The following GRIN3B variants were observed in gnomAD, a reference collection of about 807,000 sequenced individuals.
GRIN3B encodes the protein glutamate ionotropic receptor NMDA type subunit 3B.
Under a neutral mutation model 66.0 loss-of-function variants are expected in GRIN3B, and 77 were observed. The observed-to-expected ratio is 1.17, with a 90% CI of 0.97 to 1.41. GRIN3B has a LOEUF of 1.41. Ranked by LOEUF, GRIN3B falls within the 40% of genes most tolerant of loss-of-function variation. The pLI, the probability that GRIN3B is intolerant of heterozygous loss-of-function variation, is 0.00. For synonymous variants in GRIN3B, 823 were observed against 749.7 expected, an observed-to-expected ratio of 1.10 and a Z score of -1.60; for missense variants, 1,787 against 1,564.5, an observed-to-expected ratio of 1.14 and a Z score of -2.40.
Position 1,009,255 on chromosome 19 carries a change from G to T in GRIN3B, c.2785G>T (p.Asp929Tyr), listed in dbSNP as rs771184071. 1 of 1,432,636 alleles carries T rather than the reference G, an allele frequency of 7.0e-7. No homozygotes were observed. Among genetic ancestry groups the T allele is most frequent in the Non-Finnish European group, 9.1e-7 (1 of 1,104,560 alleles). 88.7% of individuals were successfully genotyped at this position (1,432,636 alleles called of 1,614,324 possible). A position where few individuals can be genotyped will look rare whatever the true frequency, so the allele number is the denominator to read the frequency against. Residue 929 changes from aspartate (D) to tyrosine (Y), a missense_variant, in exon 9 of 9, where the codon GAC becomes TAC. Asp to Tyr is a radical substitution (Grantham distance 160). Transcript: ENST00000234389. Reference sequence around the variant, plus strand: ...CTGGAAACGGGCGCGCCGGGCCGTGGACAAGGAGCGCCGCGTGCGCTTCCT... The same window carrying T: ...CTGGAAACGGGCGCGCCGGGCCGTGTACAAGGAGCGCCGCGTGCGCTTCCT... ...EGWKRARRAV[D>Y]KERRVRFLLE...
Position 1,000,552 on chromosome 19 carries a change from C to G in GRIN3B, c.115C>G (p.Leu39Val), listed in dbSNP as rs2038671325. 1 of 1,122,364 alleles carries G rather than the reference C, an allele frequency of 8.9e-7. No individual in the cohort carries two copies. The highest frequency in any genetic ancestry group is 1.7e-5 in the African/African-American group (1 of 60,330). The allele number at this position is 1,122,364 out of a possible 1,614,324, so 69.5% of individuals were successfully genotyped here. The change falls in exon 1 of 9, where the codon CTG becomes GTG. Residue 39 changes from leucine (L) to valine (V), a missense_variant. Coordinates refer to ENST00000234389, the MANE Select transcript of GRIN3B (RefSeq NM_138690.3). ...VLARLGGSVR[L>V]GALLPRAPLA... ...GGCGCGCCTCGGGGGCTCCGTGCGC[C>G]TGGGCGCCCTCCTGCCCCGCGCGCC...
rs759763639 is a variant in GRIN3B, at chr19:1,008,236, A to C, written c.2411A>C (p.His804Pro). Residue 804 changes from histidine (H) to proline (P), a missense_variant, in exon 6 of 9, where the codon CAC (histidine) becomes CCC (proline). His to Pro is a moderately conservative substitution (Grantham distance 77). Coordinates refer to ENST00000234389, the MANE Select transcript of GRIN3B (RefSeq NM_138690.3). ...YKSSGFIDLL[H>P]DKWYKMVPCG... ...TCCTCCGGCTTCATCGACCTGCTCCACGACAAGTGGTACAAGATGGTGCCT... is the reference window on the plus strand; with the variant it reads ...TCCTCCGGCTTCATCGACCTGCTCCCCGACAAGTGGTACAAGATGGTGCCT... 6.4e-7 allele frequency: 1 copy of C among 1,569,492 alleles called. No homozygotes were observed. The highest frequency in any genetic ancestry group is 8.7e-7 in the Non-Finnish European group (1 of 1,153,482).
intron 8 of GRIN3B, 114 bp from the exon 9 acceptor site, chr19:1,009,059 G>A (rs1341605516): frequency 1.5e-6 from 2 of 1,355,850 alleles, no homozygotes; most frequent in Admixed American, 2.4e-5. Flanking sequence ...CGTGCACACC[G>A]TGGCTCCCTG....
Position 1,007,893 on chromosome 19 carries a change from AAGTCGCTCCTGGACT to A in GRIN3B, c.2238_2252del (p.Lys746_Tyr751delinsAsn). The A allele has an allele frequency of 6.2e-7, 1 of 1,611,470 alleles. No homozygotes were observed. Among genetic ancestry groups the A allele is most frequent in the Non-Finnish European group, 8.5e-7 (1 of 1,179,324 alleles). ...CAAGCTCAACGCCTTCATCATGGAC[AAGTCGCTCCTGGACT>A]ACGAGGTCTCCATCGACGCCGACTG... On this transcript the variant is annotated inframe_deletion, in exon 5 of 9. Coordinates refer to ENST00000234389, the MANE Select transcript of GRIN3B (RefSeq NM_138690.3). This position sits in a 1 kb window ranked among gnomAD's most constrained non-coding sequence, Gnocchi z 4.4.
intron 3 of GRIN3B, among the ~76,000 whole-genome samples, chr19:1,006,914 C>T (rs1284415137): frequency 6.6e-6 from 1 of 152,164 alleles, no homozygotes; most frequent in Non-Finnish European, 1.5e-5. Flanking sequence ...GCTGGAATCC[C>T]GTGGGGAGGC....
At chr19:1,006,337 G>A (rs113996196) in intron 3 of GRIN3B, among the ~76,000 whole-genome samples, 4,903 of 151,780 alleles carry the variant, frequency 0.032, 276 homozygotes, top group African/African-American at 0.11. Context: ...TAGAGTTGGC[G>A]GGTTTCACCA....
Position 1,007,620 on chromosome 19 carries a change from C to A in GRIN3B, c.2053-8C>A. The stretch of plus-strand genomic sequence containing the variant: ...CAGGCAGAGGCGCTGACGGGGTCCC[C>A]CGCGCAGCTGCACCACCCGGCGCAG... On this transcript the variant is annotated splice_region_variant and splice_polypyrimidine_tract_variant and intron_variant, in intron 3 of 8. Transcript: ENST00000234389. This position sits in a 1 kb window ranked among gnomAD's most constrained non-coding sequence, Gnocchi z 4.4. 1 of 1,491,608 alleles carries A rather than the reference C, an allele frequency of 6.7e-7. No homozygotes were observed. Among genetic ancestry groups the A allele is most frequent in the Non-Finnish European group, 8.9e-7 (1 of 1,123,714 alleles). 92.4% of individuals were successfully genotyped at this position (1,491,608 alleles called of 1,614,324 possible). A position where few individuals can be genotyped will look rare whatever the true frequency, so the allele number is the denominator to read the frequency against.
Position 1,000,557 on chromosome 19 carries a change from C to T in GRIN3B, c.120C>T (p.Gly40=). ...LARLGGSVRL[G]ALLPRAPLAR... is the part of the protein sequence containing the mutation. ...GCCTCGGGGGCTCCGTGCGCCTGGG[C>T]GCCCTCCTGCCCCGCGCGCCTCTCG... Residue 40 remains glycine (G), a synonymous_variant, in exon 1 of 9, where the codon GGC becomes GGT. Coordinates refer to ENST00000234389, the MANE Select transcript of GRIN3B (RefSeq NM_138690.3). 5 of 1,100,060 alleles carry T rather than the reference C, an allele frequency of 4.5e-6. No homozygotes were observed. Among genetic ancestry groups the T allele is most frequent in the Non-Finnish European group, 5.5e-6 (5 of 904,676 alleles). The allele number at this position is 1,100,060 out of a possible 1,614,324, so 68.1% of individuals were successfully genotyped here.
In GRIN3B at chr19:1,005,590, G is replaced by T. The variant is rs558827330; in HGVS notation, c.2052+37G>T. ...CGGGGGGCTGCGGGTGGCCTTGGGG[G>T]GCTAGCGGTGGCCCCGGGCTGGGCT... On this transcript the variant is annotated intron_variant, in intron 3 of 8. Transcript: ENST00000234389. The surrounding 1 kb of genome is among the most constrained non-coding windows in gnomAD (Gnocchi z 5.2). The T allele has an allele frequency of 1.3e-6, 2 of 1,488,342 alleles. No individual in the cohort carries two copies. Among genetic ancestry groups the T allele is most frequent in the East Asian group, 2.5e-5 (1 of 40,636 alleles). The allele number at this position is 1,488,342 out of a possible 1,614,324, so 92.2% of individuals were successfully genotyped here.
Position 1,004,898 on chromosome 19 carries a change from GCTCAGCGCCCCGTGCC to G in GRIN3B, c.1400_1415del (p.Ser467CysfsTer175), listed in dbSNP as rs2038727198. ...GCACTGTTCGCCGCGCTGGCCAACG[GCTCAGCGCCCCGTGCC>G]CTGCGCAAGTGCTGCTACGGCTACT... On this transcript the variant is annotated frameshift_variant, in exon 3 of 9. Coordinates refer to ENST00000234389, the MANE Select transcript of GRIN3B (RefSeq NM_138690.3). LOFTEE classifies it high-confidence loss of function. The G allele has an allele frequency of 2.7e-6, 4 of 1,490,398 alleles. No homozygotes were observed. The African/African-American group carries it at 6.2e-5, about 23-fold the overall frequency. The allele number at this position is 1,490,398 out of a possible 1,614,324, so 92.3% of individuals were successfully genotyped here. A position where few individuals can be genotyped will look rare whatever the true frequency, so the allele number is the denominator to read the frequency against.
Position 1,004,840 on chromosome 19 carries a change from G to C in GRIN3B, c.1339G>C (p.Asp447His). 1 of 1,612,396 alleles carries C rather than the reference G, an allele frequency of 6.2e-7. No individual in the cohort carries two copies. The highest frequency in any genetic ancestry group is 8.5e-7 in the Non-Finnish European group (1 of 1,179,394). ...GTGCCCAGCGGGGCAGCTGTGCCTGGACCCTGGCACCAACGACTCGGCCAC... is the reference window on the plus strand; with the variant it reads ...GTGCCCAGCGGGGCAGCTGTGCCTGCACCCTGGCACCAACGACTCGGCCAC... ...GQCPAGQLCL[D>H]PGTNDSATLD... The change falls in exon 3 of 9, where the codon GAC (aspartate) becomes CAC (histidine). Residue 447 changes from aspartate to histidine, a missense_variant. Physicochemically the swap from Asp to His is moderately conservative, Grantham distance 81 (BLOSUM62 -1). Coordinates refer to ENST00000234389, the MANE Select transcript of GRIN3B (RefSeq NM_138690.3).
rs2038782126 is a variant in GRIN3B at position 1,008,248 on chromosome 19, A to T, written c.2423A>T (p.Tyr808Phe). Residue 808 changes from tyrosine to phenylalanine, a missense_variant, in exon 6 of 9, where the codon TAC becomes TTC. Physicochemically the swap from Tyr to Phe is conservative, Grantham distance 22. Transcript: ENST00000234389. ...GFIDLLHDKW[Y>F]KMVPCGKRVF... ...ATCGACCTGCTCCACGACAAGTGGT[A>T]CAAGATGGTGCCTTGCGGCAAGCGG... The T allele has an allele frequency of 1.3e-6, 2 of 1,584,742 alleles. No individual in the cohort carries two copies. Among genetic ancestry groups the T allele is most frequent in the Non-Finnish European group, 1.7e-6 (2 of 1,163,632 alleles).
In GRIN3B at chr19:1,000,540, G is replaced by T; in HGVS notation, c.103G>T (p.Gly35Cys). Reference sequence around the variant, plus strand: ...GTGCGGCGTCCTGGCGCGCCTCGGGGGCTCCGTGCGCCTGGGCGCCCTCCT... The same window carrying T: ...GTGCGGCGTCCTGGCGCGCCTCGGGTGCTCCGTGCGCCTGGGCGCCCTCCT... The part of the protein sequence containing the change: ...QPCGVLARLG[G>C]SVRLGALLPR... The change falls in exon 1 of 9, where the codon GGC becomes TGC. Residue 35 changes from glycine (G) to cysteine (C), a missense_variant. Coordinates refer to ENST00000234389, the MANE Select transcript of GRIN3B (RefSeq NM_138690.3). The T allele has an allele frequency of 1.7e-6, 2 of 1,153,198 alleles. No homozygotes were observed. The highest frequency in any genetic ancestry group is 1.6e-5 in the African/African-American group (1 of 61,364). The allele number at this position is 1,153,198 out of a possible 1,614,324, so 71.4% of individuals were successfully genotyped here. A position where few individuals can be genotyped will look rare whatever the true frequency, so the allele number is the denominator to read the frequency against.
At chr19:1,002,268 C>T (rs1190452218) in intron 1 of GRIN3B, 2 of 151,090 alleles carry the variant, frequency 1.3e-5, no homozygotes, top group South Asian at 2.1e-4. Flanking sequence ...GCCTGTAATC[C>T]CTGCAGTTTG....
In GRIN3B at chr19:1,007,868, C is replaced by A; in HGVS notation, c.2211C>A (p.Pro737=). ...CCGGCCCCAGCAGGAGCGACCCCCCCAAGCTCAACGCCTTCATCATGGACA... is the reference window on the plus strand; with the variant it reads ...CCGGCCCCAGCAGGAGCGACCCCCCAAAGCTCAACGCCTTCATCATGGACA... ...RGVAMLTSDP[P]KLNAFIMDKS... is the part of the protein sequence containing the mutation. The change falls in exon 5 of 9, where the codon CCC becomes CCA. Residue 737 remains proline, a synonymous_variant. Coordinates refer to ENST00000234389, the MANE Select transcript of GRIN3B (RefSeq NM_138690.3). The surrounding 1 kb of genome is among the most constrained non-coding windows in gnomAD (Gnocchi z 4.4). The A allele has an allele frequency of 3.1e-6, 5 of 1,611,030 alleles. No individual in the cohort carries two copies. The highest frequency in any genetic ancestry group is 1.7e-4 in the Middle Eastern group (1 of 6,058).
In GRIN3B at chr19:1,009,359, G is replaced by A. The variant is rs1490805665; in HGVS notation, c.2889G>A (p.Leu963=). Residue 963 remains leucine, a synonymous_variant, in exon 9 of 9, where the codon CTG becomes CTA. Transcript: ENST00000234389. ...CGCCGCGAGAGGGCCCCGTCTGGCT[G>A]TGCTCCTACGGCCGCCCGCCCGCCG... ...EAAPREGPVW[L]CSYGRPPAAR... 5.8e-6 allele frequency: 8 copies of A among 1,384,348 alleles called. No individual in the cohort carries two copies. The African/African-American group carries it at 9.2e-5, about 16-fold the overall frequency. 85.8% of individuals were successfully genotyped at this position (1,384,348 alleles called of 1,614,324 possible).
At chr19:1,001,442 C>T (rs2038683563) in intron 1 of GRIN3B, among the ~76,000 whole-genome samples, 1 of 151,926 alleles carries the variant, frequency 6.6e-6, no homozygotes, top group Non-Finnish European at 1.5e-5. Context: ...CCCCCAACCC[C>T]TGGCAGCCTT....
Position 1,005,260 on chromosome 19 carries a change from C to T in GRIN3B, c.1759C>T (p.Leu587Phe). 5 of 1,613,334 alleles carry T rather than the reference C, an allele frequency of 3.1e-6. No homozygotes were observed. Among genetic ancestry groups the T allele is most frequent in the Non-Finnish European group, 4.2e-6 (5 of 1,179,884 alleles). The change falls in exon 3 of 9, where the codon CTC (leucine) becomes TTC (phenylalanine). Residue 587 changes from leucine to phenylalanine, a missense_variant. Physicochemically the swap from Leu to Phe is conservative, Grantham distance 22. Transcript: ENST00000234389. This position sits in a 1 kb window ranked among gnomAD's most constrained non-coding sequence, Gnocchi z 5.2. ...TWLGVFAALH[L>F]TALFLTVYEW... is the part of the protein sequence containing the mutation. ...GCTGGGCGTCTTTGCGGCCCTGCACCTCACCGCGCTCTTCCTCACCGTGTA... is the reference window on the plus strand; with the variant it reads ...GCTGGGCGTCTTTGCGGCCCTGCACTTCACCGCGCTCTTCCTCACCGTGTA...
chr19:1,007,503 G>C lies in GRIN3B; in HGVS notation c.2053-125G>C. Reference sequence around the variant, plus strand: ...GTGCTCTGGGCATGGAGTGGGTGGAGGCCAGGAATGCAGCCTCGGCGCCCT... The same window carrying C: ...GTGCTCTGGGCATGGAGTGGGTGGACGCCAGGAATGCAGCCTCGGCGCCCT... On this transcript the variant is annotated intron_variant, in intron 3 of 8. Transcript: ENST00000234389. This position sits in a 1 kb window ranked among gnomAD's most constrained non-coding sequence, Gnocchi z 4.4. The C allele has an allele frequency of 8.7e-7, 1 of 1,154,096 alleles. No homozygotes were observed. Among genetic ancestry groups the C allele is most frequent in the Admixed American group, 4.0e-5 (1 of 24,886 alleles). 71.5% of individuals were successfully genotyped at this position (1,154,096 alleles called of 1,614,324 possible).
Sources: gnomAD v4.1 joint callset for allele counts (sites outside exome capture counted in the v4.1 genomes callset) on GRCh38, gnomAD v4.1.1 for gene constraint, Gnocchi (gnomAD v3.1) non-coding constraint, MANE v1.5 for transcripts, NCBI Gene and HGNC (gene_info 2026-07-23, HGNC 2026-07-21) for gene names.